MBD5: variants seen among roughly 807,000 people sequenced by gnomAD.
The protein encoded by MBD5 is methyl-CpG-binding domain protein 5.
MBD5 carries 13 observed loss-of-function variants against 117.3 expected under a neutral mutation model. The ratio of observed to expected loss-of-function variants is 0.11; its 90% confidence interval spans 0.07 to 0.18. MBD5 has a LOEUF of 0.18. Among genes scored for constraint, MBD5 ranks in the 10% least tolerant of loss-of-function variants. MBD5 has a pLI of 1.00. For synonymous variants in MBD5, 727 were observed against 766.4 expected, an observed-to-expected ratio of 0.95 and a Z score of 0.85; for missense variants, 1,879 against 2,093.8, an observed-to-expected ratio of 0.90 and a Z score of 2.00.
intron 3 of MBD5, among the ~76,000 whole-genome samples, chr2:148,294,509 T>TTTTTTGTTTTTTTGTTTGTTTGTTTG (rs750245317): frequency 1.5e-5 from 2 of 129,984 alleles, no homozygotes; most frequent in Non-Finnish European, 3.3e-5. Flanking sequence ...CAGTTTTTTT[T>TTTTTTGTTTTTTTGTTTGTTTGTTTG]TTTTTTTTTT....
intron 4 of MBD5, among the ~76,000 whole-genome samples, chr2:148,439,776 G>C (rs114782528): frequency 8.5e-4 from 112 of 132,174 alleles, no homozygotes; most frequent in African/African-American, 3.2e-3. Flanking sequence ...GTTTAGCCCT[G>C]TCGCCCAACT....
chr2:148,236,555 G>T (rs981797063), intron 3 of MBD5, among the ~76,000 whole-genome samples: 1 of 152,046 alleles, frequency 6.6e-6, no homozygotes, highest in African/African-American at 2.4e-5. Flanking sequence ...CTGGGCAGTA[G>T]GTCTCAACAG....
Position 148,210,611 on chromosome 2 carries a change from A to T in MBD5, c.-830-22634A>T, listed in dbSNP as rs1699399508. 4.6e-5 allele frequency among the ~76,000 whole-genome samples: 7 copies of T among 152,032 alleles called. No homozygotes were observed. The South Asian group carries it at 1.5e-3, about 32-fold the overall frequency. On this transcript the variant is annotated intron_variant, in intron 2 of 13. Coordinates refer to ENST00000642680, the MANE Select transcript of MBD5 (RefSeq NM_001378120.1). ...GAGCTGCTTAAATTTAGCTCATGTCATATGTTAGAATCTAGTAATCATCTT... is the reference window on the plus strand; with the variant it reads ...GAGCTGCTTAAATTTAGCTCATGTCTTATGTTAGAATCTAGTAATCATCTT...
chr2:148,065,118 G>A (rs1403381882), intron 1 of MBD5, among the ~76,000 whole-genome samples: 1 of 152,104 alleles, frequency 6.6e-6, no homozygotes, highest in Non-Finnish European at 1.5e-5. Flanking sequence ...AGGAAGATTA[G>A]GGGTTTGATA....
At chr2:148,069,994 G>T (rs1695307962) in intron 1 of MBD5, among the ~76,000 whole-genome samples, 1 of 152,098 alleles carries the variant, frequency 6.6e-6, no homozygotes. Context: ...AATAATTGTT[G>T]TTAACTGTAG....
rs1398414983 is a variant in MBD5, at chr2:148,515,106, T to C, written c.*2165T>C. The C allele has an allele frequency of 3.3e-5, 5 of 152,006 alleles. No individual in the cohort carries two copies. Among genetic ancestry groups the C allele is most frequent in the African/African-American group, 1.2e-4 (5 of 41,554 alleles). 9.4% of individuals were successfully genotyped at this position (152,006 alleles called of 1,614,324 possible). On this transcript the variant is annotated 3_prime_UTR_variant, in exon 14 of 14. Coordinates refer to ENST00000642680, the MANE Select transcript of MBD5 (RefSeq NM_001378120.1). ...TTTTTTTTGCACCAACCTGTTTTTC[T>C]ACTGTTTTTTCCTACACATTTTTGT...
intron 3 of MBD5, among the ~76,000 whole-genome samples, chr2:148,263,091 G>A (rs1430611931): frequency 6.6e-6 from 1 of 152,188 alleles, no homozygotes; most frequent in Non-Finnish European, 1.5e-5. Flanking sequence ...ATACAAGAAA[G>A]AGACAATTTA....
intron 3 of MBD5, among the ~76,000 whole-genome samples, chr2:148,330,854 T>C (rs1311419758): frequency 6.6e-6 from 1 of 152,214 alleles, no homozygotes; most frequent in Non-Finnish European, 1.5e-5. Context: ...GGCATTTTGG[T>C]AATTACTGTT....
At chr2:148,336,708 C>T (rs1702798817) in intron 3 of MBD5, among the ~76,000 whole-genome samples, 3 of 152,148 alleles carry the variant, frequency 2.0e-5, no homozygotes, top group Non-Finnish European at 4.4e-5. Context: ...TTCACTCTTC[C>T]TCAAGTTCCT....
chr2:148,339,097 G>A (rs574750822), intron 3 of MBD5, among the ~76,000 whole-genome samples: 6 of 152,196 alleles, frequency 3.9e-5, no homozygotes, highest in Non-Finnish European at 5.9e-5. Context: ...CAGATGCCTC[G>A]TGCCTATCAG....
intron 1 of MBD5, among the ~76,000 whole-genome samples, chr2:148,132,162 C>T (rs190421131): frequency 3.8e-4 from 57 of 151,912 alleles, no homozygotes; most frequent in East Asian, 1.7e-3. Flanking sequence ...TATAATGCCT[C>T]GCACATTGAA....
At chr2:148,416,086 C>T (rs1464847881) in intron 4 of MBD5, among the ~76,000 whole-genome samples, 1 of 152,106 alleles carries the variant, frequency 6.6e-6, no homozygotes, top group African/African-American at 2.4e-5. Context: ...ATCAGTGTGG[C>T]TTGGTGTTCC....
intron 7 of MBD5, among the ~76,000 whole-genome samples, chr2:148,466,818 T>G (rs888577724): frequency 1.3e-5 from 2 of 152,134 alleles, no homozygotes; most frequent in Non-Finnish European, 2.9e-5. Context: ...GAAAAACAAA[T>G]GTTCACAGCA....
intron 1 of MBD5, among the ~76,000 whole-genome samples, chr2:148,111,244 G>A (rs527272138): frequency 8.5e-5 from 13 of 152,138 alleles, no homozygotes; most frequent in South Asian, 2.1e-4. Context: ...CACCAATAAA[G>A]CACAGCCTGA....
At chr2:148,132,362 A>G (rs1450424821) in intron 1 of MBD5, among the ~76,000 whole-genome samples, 1 of 148,322 alleles carries the variant, frequency 6.7e-6, no homozygotes, top group Non-Finnish European at 1.5e-5. Flanking sequence ...ACATATATAT[A>G]TATATAGATG....
chr2:148,234,119 CT>C (rs1229678047), intron 3 of MBD5, among the ~76,000 whole-genome samples: 3 of 151,800 alleles, frequency 2.0e-5, no homozygotes, highest in African/African-American at 4.8e-5. Context: ...AGGAATCTGG[CT>C]TTTTTTCTAC....
At chr2:148,176,306 T>G (rs1239791160) in intron 1 of MBD5, among the ~76,000 whole-genome samples, 2 of 66,924 alleles carry the variant, frequency 3.0e-5, no homozygotes, top group East Asian at 5.4e-4. Flanking sequence ...AGAGTTTTGT[T>G]TTTTTTTTTT....
At chr2:148,106,338 G>A (rs1418885810) in intron 1 of MBD5, among the ~76,000 whole-genome samples, 2 of 151,862 alleles carry the variant, frequency 1.3e-5, no homozygotes, top group East Asian at 1.9e-4. Context: ...CATTTTTAAT[G>A]ATACTCATAT....
intron 4 of MBD5, among the ~76,000 whole-genome samples, chr2:148,447,172 GAAGAAGGAAAGAAAGAAAGAAAGA>G (rs1706568640): frequency 3.1e-5 from 2 of 63,668 alleles, no homozygotes; most frequent in Admixed American, 2.1e-4. Flanking sequence ...AGGAAGAAAG[GAAGAAGGAAAGAAAGAAAGAAAGA>G]AAGAAAGAAA....
Sources: allele counts gnomAD v4.1 joint callset (sites outside exome capture counted in the v4.1 genomes callset), GRCh38; gene constraint gnomAD v4.1.1; transcripts MANE v1.5; gene names NCBI Gene and HGNC (gene_info 2026-07-23, HGNC 2026-07-21).